The following ACRV1 variants were observed in gnomAD, a reference collection of about 807,000 sequenced individuals.
ACRV1 encodes the protein acrosomal protein SP-10.
ACRV1 carries 17 observed loss-of-function variants against 29.2 expected under a neutral mutation model. The observed-to-expected ratio is 0.58, with a 90% CI of 0.40 to 0.87. The LOEUF is 0.87. Among genes scored for constraint, ACRV1 ranks in the 40% least tolerant of loss-of-function variants. The pLI is 0.00. For synonymous variants in ACRV1, 98 were observed against 111.6 expected (o/e 0.88, Z 0.77); for missense variants, 294 against 316.0 (o/e 0.93, Z 0.53).
At chr11:125,677,684 G>T in intron 2 of ACRV1, 113 bp downstream of exon 2, 1 of 1,386,024 alleles carries the variant, frequency 7.2e-7, no homozygotes, top group Non-Finnish European at 9.9e-7. Flanking sequence ...AGCTGTTTGT[G>T]AAGTGTTAAC....
At chr11:125,675,742 T>C (rs539796211) in intron 3 of ACRV1, among the ~76,000 whole-genome samples, 17 of 152,136 alleles carry the variant, frequency 1.1e-4, no homozygotes, top group Non-Finnish European at 2.5e-4. Flanking sequence ...AATATATAGC[T>C]ATAGCTTACA....
At chr11:125,679,270 T>TC (rs967803610) in intron 1 of ACRV1, among the ~76,000 whole-genome samples, 2 of 137,952 alleles carry the variant, frequency 1.4e-5, no homozygotes, top group Non-Finnish European at 3.1e-5. Context: ...CAGGCTGGAG[T>TC]ACAGTGGCAC....
rs781660224 is a variant in ACRV1, at chr11:125,678,098, A to G, written c.252T>C (p.Thr84=). 2 of 1,614,220 alleles carry G rather than the reference A, an allele frequency of 1.2e-6. No individual in the cohort carries two copies. The highest frequency in any genetic ancestry group is 2.2e-5 in the South Asian group (2 of 91,088). ...GSSKHTVAEH[T]SGEHAESEHA... is the part of the protein sequence containing the mutation. ...GCTCACTCTCAGCATGTTCTCCAGA[A>G]GTGTGCTCGGCCACAGTGTGCTTGC... The change falls in exon 2 of 4, where the codon ACT becomes ACC. Residue 84 remains threonine (T), a synonymous_variant. Coordinates refer to ENST00000533904, the MANE Select transcript of ACRV1 (RefSeq NM_001612.6).
Position 125,671,915 on chromosome 11 carries a change from GT to G in ACRV1, c.*677del. 6.6e-6 allele frequency: 1 copy of G among 152,236 alleles called. No individual in the cohort carries two copies. Among genetic ancestry groups the G allele is most frequent in the South Asian group, 2.1e-4 (1 of 4,814 alleles). The allele number at this position is 152,236 out of a possible 1,614,324, so 9.4% of individuals were successfully genotyped here. A position where few individuals can be genotyped will look rare whatever the true frequency, so the allele number is the denominator to read the frequency against. On this transcript the variant is annotated 3_prime_UTR_variant, in exon 4 of 4. Coordinates refer to ENST00000533904, the MANE Select transcript of ACRV1 (RefSeq NM_001612.6). ...GTATTTCCATTTGCCCTCCTATCCT[GT>G]ATAGATGATTCAGTAACATTGTGTG...
chr11:125,680,702 T>C (rs1942757456), intron 1 of ACRV1, 27 bp downstream of exon 1: 1 of 1,605,700 alleles, frequency 6.2e-7, no homozygotes, highest in Non-Finnish European at 8.5e-7. Flanking sequence ...CTTTTGTATT[T>C]ACCTGAAGCC....
rs538400468 is a variant in ACRV1, at chr11:125,673,040, G to C, written c.674-323C>G. 3.1e-3 allele frequency among the ~76,000 whole-genome samples: 477 copies of C among 152,020 alleles called. 1 individual carries two copies. The highest frequency in any genetic ancestry group is 5.3e-3 in the Non-Finnish European group (360 of 67,976). ...TTTCCTTACAGCCTTCCCAGAGTCT[G>C]CCTATCCTCCTCACCTTGGCCCCTC... On this transcript the variant is annotated intron_variant, in intron 3 of 3. Transcript: ENST00000533904.
At chr11:125,680,157 A>T (rs912146801) in intron 1 of ACRV1, among the ~76,000 whole-genome samples, 5 of 152,194 alleles carry the variant, frequency 3.3e-5, no homozygotes, top group African/African-American at 9.6e-5. Context: ...TTTCACTGAA[A>T]GCTCAGAGCT....
Position 125,672,484 on chromosome 11 carries a change from G to A in ACRV1, c.*109C>T, listed in dbSNP as rs565475106. On this transcript the variant is annotated 3_prime_UTR_variant, in exon 4 of 4. Coordinates refer to ENST00000533904, the MANE Select transcript of ACRV1 (RefSeq NM_001612.6). Reference sequence around the variant, plus strand: ...TGAGCATCCTAATGCTCAGGCAGAGGCAGATGTGGTCAGTTGTTGACTGGG... The same window carrying A: ...TGAGCATCCTAATGCTCAGGCAGAGACAGATGTGGTCAGTTGTTGACTGGG... 2 of 1,293,330 alleles carry A rather than the reference G, an allele frequency of 1.5e-6. No individual in the cohort carries two copies. Among genetic ancestry groups the A allele is most frequent in the East Asian group, 4.6e-5 (2 of 43,126 alleles). 80.1% of individuals were successfully genotyped at this position (1,293,330 alleles called of 1,614,324 possible).
chr11:125,680,090 C>G (rs1239716811), intron 1 of ACRV1, among the ~76,000 whole-genome samples: 2 of 152,166 alleles, frequency 1.3e-5, no homozygotes, highest in Non-Finnish European at 2.9e-5. Context: ...TTTTGAAGGT[C>G]TAACAAAGCA....
At chr11:125,674,952 G>C (rs1365822861) in intron 3 of ACRV1, among the ~76,000 whole-genome samples, 1 of 152,048 alleles carries the variant, frequency 6.6e-6, no homozygotes, top group Non-Finnish European at 1.5e-5. Context: ...TTTACATCCT[G>C]CACTTTTCTG....
Position 125,677,194 on chromosome 11 carries a change from A to T in ACRV1, c.553+603T>A, listed in dbSNP as rs1942552669. Among the ~76,000 whole-genome samples the T allele has an allele frequency of 2.6e-5, 4 of 152,240 alleles. 1 individual carries two copies. In the South Asian group the frequency reaches 8.3e-4, roughly 31 times the overall value. ...TTTAGAATAATGATATTTAAACAAT[A>T]GAGTGAAATGTGAACTATGTCTGGT... On this transcript the variant is annotated intron_variant, in intron 2 of 3. Coordinates refer to ENST00000533904, the MANE Select transcript of ACRV1 (RefSeq NM_001612.6).
intron 1 of ACRV1, among the ~76,000 whole-genome samples, chr11:125,680,180 C>G (rs1035553470): frequency 2.0e-5 from 3 of 152,188 alleles, no homozygotes; most frequent in Non-Finnish European, 4.4e-5. Flanking sequence ...TGGCCTCTTT[C>G]TGCTGTAGGA....
intron 3 of ACRV1, chr11:125,676,108 A>T (rs1942493615): frequency 5.5e-6 from 2 of 365,300 alleles, no homozygotes; most frequent in South Asian, 8.7e-5. Flanking sequence ...GGGTTTTTTC[A>T]TGTTGGCCAG....
At position 125,677,929 on chromosome 11, in the gene ACRV1, C is replaced by A; in HGVS notation, c.421G>T (p.Asp141Tyr). The change falls in exon 2 of 4, where the codon GAT (aspartate) becomes TAT (tyrosine). Residue 141 changes from aspartate (D) to tyrosine (Y), a missense_variant. Asp to Tyr is a radical substitution (Grantham distance 160). Transcript: ENST00000533904. ...SELESGEQPS[D>Y]EQPSGEHGSG... ...CCATGTTCACCTGAAGGCTGTTCAT[C>A]TGAAGGCTGTTCACCTGACTCAAGC... The A allele has an allele frequency of 6.2e-7, 1 of 1,614,132 alleles. No individual in the cohort carries two copies. The highest frequency in any genetic ancestry group is 8.5e-7 in the Non-Finnish European group (1 of 1,180,012).
At position 125,672,480 on chromosome 11, in the gene ACRV1, A is replaced by G; in HGVS notation, c.*113T>C. ...TGTTTGAGCATCCTAATGCTCAGGC[A>G]GAGGCAGATGTGGTCAGTTGTTGAC... On this transcript the variant is annotated 3_prime_UTR_variant, in exon 4 of 4. Coordinates refer to ENST00000533904, the MANE Select transcript of ACRV1 (RefSeq NM_001612.6). 7.9e-7 allele frequency: 1 copy of G among 1,259,932 alleles called. No homozygotes were observed. The highest frequency in any genetic ancestry group is 1.1e-6 in the Non-Finnish European group (1 of 902,350). The allele number at this position is 1,259,932 out of a possible 1,614,324, so 78.0% of individuals were successfully genotyped here. A position where few individuals can be genotyped will look rare whatever the true frequency, so the allele number is the denominator to read the frequency against.
intron 3 of ACRV1, among the ~76,000 whole-genome samples, chr11:125,672,924 G>T (rs1038099685): frequency 2.6e-5 from 4 of 152,010 alleles, no homozygotes; most frequent in African/African-American, 7.2e-5. Context: ...CGTTTCTATG[G>T]ACTCCTTTTT....
At chr11:125,678,997 T>TATATAGAGAGAGAGAGAG (rs1446760515) in intron 1 of ACRV1, among the ~76,000 whole-genome samples, 1 of 142,290 alleles carries the variant, frequency 7.0e-6, no homozygotes, top group African/African-American at 2.6e-5. Context: ...TATATATATA[T>TATATAGAGAGAGAGAGAG]AGACACACAC....
Position 125,678,316 on chromosome 11 carries a change from A to C in ACRV1, c.53-19T>G, listed in dbSNP as rs372086695. 5.6e-6 allele frequency: 9 copies of C among 1,609,502 alleles called. No homozygotes were observed. Among genetic ancestry groups the C allele is most frequent in the Non-Finnish European group, 7.6e-6 (9 of 1,178,072 alleles). ...GATGTTCCTGGGATGGAGAAGGAAC[A>C]GAAGAGAGTTGGTGAAGCTGACAGA... On this transcript the variant is annotated intron_variant, in intron 1 of 3. Transcript: ENST00000533904.
At position 125,672,523 on chromosome 11, in the gene ACRV1, A is replaced by G; in HGVS notation, c.*70T>C. 6.3e-7 allele frequency: 1 copy of G among 1,582,002 alleles called. No individual in the cohort carries two copies. Among genetic ancestry groups the G allele is most frequent in the Non-Finnish European group, 8.6e-7 (1 of 1,163,742 alleles). ...TTGTTGACTGGGGAAGGAACTAAAT[A>G]TAAAATGAGCCAAATAGAGTGATGG... On this transcript the variant is annotated 3_prime_UTR_variant, in exon 4 of 4. Coordinates refer to ENST00000533904, the MANE Select transcript of ACRV1 (RefSeq NM_001612.6).
Sources: allele counts gnomAD v4.1 joint callset (sites outside exome capture counted in the v4.1 genomes callset), GRCh38; gene constraint gnomAD v4.1.1; transcripts MANE v1.5; gene names NCBI Gene and HGNC (gene_info 2026-07-23, HGNC 2026-07-21).